PAH: variants seen among roughly 807,000 people sequenced by gnomAD.
The protein encoded by PAH is phenylalanine-4-hydroxylase.
In PAH, 64 loss-of-function variants were observed where a neutral mutation model predicts 62.0. That is an observed-to-expected ratio of 1.03 (90% confidence interval 0.84 to 1.27). PAH has a LOEUF of 1.27. PAH is among the 50% of genes most tolerant of loss of function. The probability of loss-of-function intolerance (pLI) is 0.00; values close to 1 mark genes in which losing one functional copy is unlikely to be tolerated. For synonymous variants in PAH, 195 were observed against 196.2 expected (o/e 0.99, Z 0.05); for missense variants, 579 against 542.8 (o/e 1.07, Z -0.66).
At chr12:102,840,260 AC>A (rs1052358188) in intron 12 of PAH, 139 bp downstream of exon 12, 4 of 664,748 alleles carry the variant, frequency 6.0e-6, no homozygotes. Flanking sequence ...CCATCAATGA[AC>A]CCATGGCTTA....
chr12:102,894,249 A>G (rs1277099077), intron 3 of PAH, among the ~76,000 whole-genome samples: 1 of 152,136 alleles, frequency 6.6e-6, no homozygotes, highest in Non-Finnish European at 1.5e-5. Context: ...AAAATTAGAT[A>G]CTACTTATTG....
chr12:102,931,225 A>G (rs1878860400), intron 1 of PAH, among the ~76,000 whole-genome samples: 1 of 152,084 alleles, frequency 6.6e-6, no homozygotes, highest in Admixed American at 6.5e-5. Context: ...TCCTTTCCTT[A>G]AATAGAGCCC....
chr12:102,958,151 C>A, intron 1 of PAH: 12 of 946,890 alleles, frequency 1.3e-5, no homozygotes, highest in Non-Finnish European at 1.4e-5. Flanking sequence ...CCTCTCTGTT[C>A]CTGCACCCAA....
chr12:102,840,585 G>C, intron 11 of PAH, 70 bp from the exon 12 acceptor site: 1 of 1,079,706 alleles, frequency 9.3e-7, no homozygotes, highest in Non-Finnish European at 1.4e-6. Flanking sequence ...AGAGTTCTCA[G>C]TGGCATTTTA....
chr12:102,932,342 A>G (rs534316630), intron 1 of PAH, among the ~76,000 whole-genome samples: 3 of 152,352 alleles, frequency 2.0e-5, no homozygotes, highest in Admixed American at 6.5e-5. Flanking sequence ...GAAACCATCA[A>G]TATCAACTAC....
intron 10 of PAH, 120 bp from the exon 11 acceptor site, chr12:102,843,899 G>T: frequency 1.8e-6 from 2 of 1,136,418 alleles, no homozygotes; most frequent in Non-Finnish European, 2.6e-6. Context: ...CTACATCACA[G>T]CCCAAATGCT....
rs1875254584 is a variant in PAH, at chr12:102,853,045, C to A, written c.707-95G>T. The A allele has an allele frequency of 2.2e-6, 3 of 1,350,056 alleles. No individual in the cohort carries two copies. The East Asian group carries it at 7.4e-5, about 33-fold the overall frequency. 83.6% of individuals were successfully genotyped at this position (1,350,056 alleles called of 1,614,324 possible). A position where few individuals can be genotyped will look rare whatever the true frequency, so the allele number is the denominator to read the frequency against. ...GGTAGTGGAGTAGTACACATAACTGCCCAGGGACATAGGCTTTGACGCTAG... is the reference window on the plus strand; with the variant it reads ...GGTAGTGGAGTAGTACACATAACTGACCAGGGACATAGGCTTTGACGCTAG... On this transcript the variant is annotated intron_variant, in intron 6 of 12. Coordinates refer to ENST00000553106, the MANE Select transcript of PAH (RefSeq NM_000277.3).
At chr12:102,854,717 C>T in intron 6 of PAH, 1 of 285,696 alleles carries the variant, frequency 3.5e-6, no homozygotes, top group Admixed American at 4.9e-5. Context: ...TGCACAGACT[C>T]AGAGCTCAGG....
intron 1 of PAH, among the ~76,000 whole-genome samples, chr12:102,934,183 T>G (rs1331052017): frequency 6.6e-6 from 1 of 152,152 alleles, no homozygotes; most frequent in Non-Finnish European, 1.5e-5. Flanking sequence ...GAAGAGACTG[T>G]CCTTTCCCAA....
intron 1 of PAH, among the ~76,000 whole-genome samples, chr12:102,938,543 T>G (rs1879181456): frequency 6.6e-6 from 1 of 152,126 alleles, no homozygotes; most frequent in African/African-American, 2.4e-5. Context: ...TCACCTCTGC[T>G]TCATATCTTC....
intron 3 of PAH, among the ~76,000 whole-genome samples, chr12:102,881,555 AC>A (rs886640190): frequency 1.3e-5 from 2 of 151,728 alleles, no homozygotes; most frequent in South Asian, 2.1e-4. Flanking sequence ...AGTACATTTG[AC>A]CCCCCAGTAC....
In PAH at chr12:102,930,353, T is replaced by C. The variant is rs140435919; in HGVS notation, c.-95-13128A>G. On this transcript the variant is annotated intron_variant, in intron 1 of 3. Transcript: ENST00000546844. ...GAGGAACTCTAGAAATGAGTTTGTC[T>C]GGTTACATATTTTCATCTTTTTTTT... 4.0e-5 allele frequency among the ~76,000 whole-genome samples: 6 copies of C among 149,736 alleles called. No homozygotes were observed. The East Asian group carries it at 7.8e-4, about 19-fold the overall frequency.
intron 3 of PAH, chr12:102,886,251 A>G (rs1013035283): frequency 5.9e-5 from 9 of 152,204 alleles, no homozygotes; most frequent in African/African-American, 1.9e-4. Context: ...CTCTGTTCAC[A>G]TGGAAAAATA....
chr12:102,880,801 T>TGAA (rs1353621410), intron 3 of PAH, among the ~76,000 whole-genome samples: 1 of 152,102 alleles, frequency 6.6e-6, no homozygotes, highest in Non-Finnish European at 1.5e-5. Context: ...AGGAAATTCT[T>TGAA]GAAGAAGAAG....
intron 3 of PAH, among the ~76,000 whole-genome samples, chr12:102,890,539 G>T (rs1212225294): frequency 6.6e-6 from 1 of 152,210 alleles, no homozygotes; most frequent in Non-Finnish European, 1.5e-5. Flanking sequence ...GTAAGGTCAG[G>T]TGGGGGCAGC....
intron 5 of PAH, among the ~76,000 whole-genome samples, chr12:102,860,909 A>G (rs1875685498): frequency 6.6e-6 from 1 of 152,248 alleles, no homozygotes; most frequent in South Asian, 2.1e-4. Flanking sequence ...AATACCATTC[A>G]GGACATAGGC....
chr12:102,926,847 T>A (rs1878696888), intron 1 of PAH, among the ~76,000 whole-genome samples: 1 of 148,000 alleles, frequency 6.8e-6, no homozygotes, highest in African/African-American at 2.5e-5. Context: ...AAATATGACA[T>A]AATATGCTAC....
upstream of PAH, chr12:102,958,429 A>AGCG: frequency 9.7e-6 from 15 of 1,548,802 alleles, no homozygotes; most frequent in Non-Finnish European, 1.3e-5. Context: ...CAGCAGCAGC[A>AGCG]GGCGCCGCAG....
intron 2 of PAH, among the ~76,000 whole-genome samples, chr12:102,908,201 C>T (rs1295808674): frequency 6.7e-6 from 1 of 149,786 alleles, no homozygotes; most frequent in Admixed American, 6.7e-5. Context: ...GCCCCCCTCC[C>T]TACCACCCCC....
Sources: gnomAD v4.1 joint callset for allele counts (sites outside exome capture counted in the v4.1 genomes callset) on GRCh38, gnomAD v4.1.1 for gene constraint, MANE v1.5 for transcripts, NCBI Gene and HGNC (gene_info 2026-07-23, HGNC 2026-07-21) for gene names.